The following EEIG2 variants were observed in gnomAD, a reference collection of about 807,000 sequenced individuals.
EEIG2 encodes the protein EEIG family member 2, also known as family with sequence similarity 102 member B.
At chr1:108,566,806 A>G in the EEIG2 span, among the ~76,000 whole-genome samples, 1 of 152,176 alleles carries the variant, frequency 6.6e-6, no homozygotes, top group Non-Finnish European at 1.5e-5. Flanking sequence ...GCATCATCTC[A>G]CATATATGTG....
the EEIG2 span, among the ~76,000 whole-genome samples, chr1:108,632,079 A>C: frequency 2.1e-5 from 3 of 141,014 alleles, no homozygotes; most frequent in East Asian, 4.3e-4. Flanking sequence ...GCACCACTGC[A>C]CTCCAGCCTG....
At chr1:108,581,620 C>T in the EEIG2 span, among the ~76,000 whole-genome samples, 11 of 152,186 alleles carry the variant, frequency 7.2e-5, no homozygotes, top group Admixed American at 3.3e-4. Flanking sequence ...GCTGCAGATG[C>T]GGTGAAAATA....
chr1:108,604,688 G>A, the EEIG2 span, among the ~76,000 whole-genome samples: 2 of 152,062 alleles, frequency 1.3e-5, no homozygotes, highest in Non-Finnish European at 1.5e-5. Flanking sequence ...GATGAAGATC[G>A]GGAGCCTTTG....
the EEIG2 span, among the ~76,000 whole-genome samples, chr1:108,562,379 T>C: frequency 6.6e-6 from 1 of 152,240 alleles, no homozygotes; most frequent in Non-Finnish European, 1.5e-5. Flanking sequence ...CCCCTTTTTC[T>C]TCCAATTAAA....
the EEIG2 span, among the ~76,000 whole-genome samples, chr1:108,596,305 A>G: frequency 6.6e-6 from 1 of 152,174 alleles, no homozygotes; most frequent in Non-Finnish European, 1.5e-5. Flanking sequence ...ATAAATACTA[A>G]TAATTTAGAG....
At chr1:108,585,059 A>T in the EEIG2 span, among the ~76,000 whole-genome samples, 1 of 152,184 alleles carries the variant, frequency 6.6e-6, no homozygotes, top group Non-Finnish European at 1.5e-5. Context: ...TCAAACTAGG[A>T]ATACAGATAA....
At chr1:108,625,770 C>CTG in the EEIG2 span, 1 of 113,764 alleles carries the variant, frequency 8.8e-6, no homozygotes, top group African/African-American at 3.5e-5. Flanking sequence ...CTCTCTCTCT[C>CTG]TCTCTGTGTG....
chr1:108,575,002 C>T, the EEIG2 span, among the ~76,000 whole-genome samples: 103 of 152,232 alleles, frequency 6.8e-4, no homozygotes, highest in Admixed American at 4.1e-3. Context: ...TCAACTAATG[C>T]GATTTAGTAG....
the EEIG2 span, among the ~76,000 whole-genome samples, chr1:108,606,443 A>G: frequency 6.6e-6 from 1 of 152,174 alleles, no homozygotes; most frequent in East Asian, 1.9e-4. Context: ...CTGATTATGG[A>G]ATATTATTCT....
the EEIG2 span, among the ~76,000 whole-genome samples, chr1:108,575,337 A>G: frequency 6.6e-6 from 1 of 152,200 alleles, no homozygotes; most frequent in African/African-American, 2.4e-5. Context: ...GTCTTCCCGA[A>G]TTTCTCAGCT....
At chr1:108,567,484 A>G in the EEIG2 span, among the ~76,000 whole-genome samples, 1 of 152,254 alleles carries the variant, frequency 6.6e-6, no homozygotes, top group Non-Finnish European at 1.5e-5. Context: ...TTCTAGCTCC[A>G]AGGACCACTG....
chr1:108,597,973 C>T, the EEIG2 span, among the ~76,000 whole-genome samples: 8 of 152,108 alleles, frequency 5.3e-5, no homozygotes, highest in South Asian at 2.1e-4. Context: ...TTGGGAGCTC[C>T]GGACACCATA....
At chr1:108,625,348 TG>T in the EEIG2 span, 1 of 152,196 alleles carries the variant, frequency 6.6e-6, no homozygotes, top group Non-Finnish European at 1.5e-5. Flanking sequence ...AAAAGCATGG[TG>T]GGGATAATGT....
chr1:108,572,914 G>T, the EEIG2 span, among the ~76,000 whole-genome samples: 4 of 152,080 alleles, frequency 2.6e-5, no homozygotes, highest in Non-Finnish European at 5.9e-5. Context: ...TGCATTTAAG[G>T]TTCCTCTTCC....
At chr1:108,605,349 GGAAGGGGAGGAA>G in the EEIG2 span, among the ~76,000 whole-genome samples, 1 of 152,132 alleles carries the variant, frequency 6.6e-6, no homozygotes, top group Non-Finnish European at 1.5e-5. Context: ...ACTGAAGCAG[GGAAGGGGAGGAA>G]CAGCAAATAT....
At chr1:108,601,174 T>A in the EEIG2 span, among the ~76,000 whole-genome samples, 2 of 152,170 alleles carry the variant, frequency 1.3e-5, no homozygotes, top group South Asian at 4.1e-4. Flanking sequence ...TTTTCTTTCC[T>A]GTATATTTTC....
the EEIG2 span, among the ~76,000 whole-genome samples, chr1:108,567,240 A>G: frequency 6.6e-6 from 1 of 152,188 alleles, no homozygotes; most frequent in Non-Finnish European, 1.5e-5. Flanking sequence ...AATACCTGTA[A>G]TAATAGTAGC....
chr1:108,609,340 A>G, the EEIG2 span, among the ~76,000 whole-genome samples: 2 of 152,288 alleles, frequency 1.3e-5, no homozygotes, highest in South Asian at 4.1e-4. Flanking sequence ...CGTTGGAGGA[A>G]CAGACAATAT....
chr1:108,592,110 C>G, the EEIG2 span, among the ~76,000 whole-genome samples: 1 of 152,150 alleles, frequency 6.6e-6, no homozygotes, highest in Non-Finnish European at 1.5e-5. Context: ...GAAGATAGAT[C>G]TGAGCGGGGA....
Sources: gnomAD v4.1 joint callset for allele counts (sites outside exome capture counted in the v4.1 genomes callset) on GRCh38, gnomAD v4.1.1 for gene constraint, MANE v1.5 for transcripts, NCBI Gene and HGNC (gene_info 2026-07-23, HGNC 2026-07-21) for gene names.